RAD51B: variants seen among roughly 807,000 people sequenced by gnomAD.
The protein encoded by RAD51B is DNA repair protein RAD51 homolog 2.
Under a neutral mutation model 42.2 loss-of-function variants are expected in RAD51B, and 38 were observed. The observed-to-expected ratio is 0.90, with a 90% CI of 0.70 to 1.18. RAD51B has a LOEUF of 1.18. Ranked by LOEUF, RAD51B falls within the 50% of genes most tolerant of loss-of-function variation. The pLI is 0.00. For missense variants in RAD51B, 373 were observed against 400.7 expected (o/e 0.93, Z 0.59); for synonymous variants, 154 against 145.2 (o/e 1.06, Z -0.43).
intron 10 of RAD51B, among the ~76,000 whole-genome samples, chr14:68,495,797 A>C (rs1382544889): frequency 6.6e-6 from 1 of 152,190 alleles, no homozygotes; most frequent in African/African-American, 2.4e-5. Context: ...TCTTAACCAC[A>C]GTGAAAAACC....
intron 7 of RAD51B, among the ~76,000 whole-genome samples, chr14:68,179,648 T>C (rs2140879663): frequency 6.6e-6 from 1 of 152,288 alleles, no homozygotes; most frequent in South Asian, 2.1e-4. Flanking sequence ...ATTGATAATA[T>C]TTATATGTCA....
intron 7 of RAD51B, among the ~76,000 whole-genome samples, chr14:67,979,949 A>G (rs2075061129): frequency 6.6e-6 from 1 of 152,206 alleles, no homozygotes; most frequent in African/African-American, 2.4e-5. Context: ...CACAATGCTT[A>G]ATATATAGTA....
intron 9 of RAD51B, among the ~76,000 whole-genome samples, chr14:68,445,718 A>T (rs1389769832): frequency 2.0e-5 from 3 of 152,166 alleles, no homozygotes; most frequent in African/African-American, 7.2e-5. Context: ...CCCACCTCAA[A>T]CTGTAACTGG....
intron 7 of RAD51B, among the ~76,000 whole-genome samples, chr14:68,150,832 T>A (rs2078362683): frequency 6.6e-6 from 1 of 152,192 alleles, no homozygotes; most frequent in Non-Finnish European, 1.5e-5. Context: ...CCACTTTACA[T>A]ACAGTATAAG....
At chr14:68,334,437 T>C (rs765472181) in intron 8 of RAD51B, among the ~76,000 whole-genome samples, 1 of 152,198 alleles carries the variant, frequency 6.6e-6, no homozygotes, top group Non-Finnish European at 1.5e-5. Flanking sequence ...CGTCTACACA[T>C]TGAGTAGGCT....
At chr14:67,836,549 A>C (rs1429374891) in intron 4 of RAD51B, among the ~76,000 whole-genome samples, 1 of 150,766 alleles carries the variant, frequency 6.6e-6, no homozygotes, top group Non-Finnish European at 1.5e-5. Flanking sequence ...GCAGTGGCAC[A>C]ATCTTGGCTT....
rs190184216 is a variant in RAD51B at position 68,237,950 on chromosome 14, G to T, written c.757-53934G>T. 2.9e-3 allele frequency among the ~76,000 whole-genome samples: 443 copies of T among 152,066 alleles called. 2 individuals are homozygous for T. Among genetic ancestry groups the T allele is most frequent in the African/African-American group, 0.01 (423 of 41,486 alleles). On this transcript the variant is annotated intron_variant, in intron 7 of 10. Transcript: ENST00000471583. ...GTGTTTCACCGTGTTGGCCAAGATG[G>T]TCTCGATCTCCTGACTTTGTGAGCC... is the stretch of plus-strand genomic sequence containing the variant.
At chr14:68,533,635 G>A (rs1043321950) in intron 10 of RAD51B, among the ~76,000 whole-genome samples, 2 of 152,080 alleles carry the variant, frequency 1.3e-5, no homozygotes, top group African/African-American at 4.8e-5. Context: ...CATAAACTGA[G>A]ATCATCAGTT....
chr14:68,258,384 G>A (rs989021541), intron 7 of RAD51B, among the ~76,000 whole-genome samples: 1 of 151,482 alleles, frequency 6.6e-6, no homozygotes, highest in African/African-American at 2.4e-5. Context: ...CAGCCTGGGA[G>A]ACCCTGTCTC....
chr14:68,101,587 G>A (rs984598149), intron 7 of RAD51B, among the ~76,000 whole-genome samples: 7 of 152,216 alleles, frequency 4.6e-5, no homozygotes, highest in Non-Finnish European at 1.0e-4. Flanking sequence ...TTGACTCCGT[G>A]TCTCATGTCT....
intron 4 of RAD51B, among the ~76,000 whole-genome samples, chr14:67,846,194 C>T (rs2041606959): frequency 6.6e-6 from 1 of 152,094 alleles, no homozygotes; most frequent in Admixed American, 6.5e-5. Flanking sequence ...CGCTGCCAGC[C>T]TCTGTGTGCA....
intron 7 of RAD51B, among the ~76,000 whole-genome samples, chr14:68,265,812 C>T (rs1421485119): frequency 1.3e-5 from 2 of 152,032 alleles, no homozygotes; most frequent in African/African-American, 2.4e-5. Flanking sequence ...ATGATAAATG[C>T]TATTCTGTTG....
chr14:68,237,645 A>AC (rs1555378261), intron 7 of RAD51B, among the ~76,000 whole-genome samples: 1 of 149,310 alleles, frequency 6.7e-6, no homozygotes, highest in African/African-American at 2.5e-5. Flanking sequence ...TGGATTTGAG[A>AC]TTTTTTTCTG....
intron 10 of RAD51B, among the ~76,000 whole-genome samples, chr14:68,632,558 G>T (rs1216897655): frequency 6.6e-6 from 1 of 152,176 alleles, no homozygotes; most frequent in Non-Finnish European, 1.5e-5. Context: ...GCCTTATGGG[G>T]CCTGGTTGGC....
rs145643617 is a variant in RAD51B at position 68,559,688 on chromosome 14, T to C, written c.1037-34797T>C. 4.2e-3 allele frequency among the ~76,000 whole-genome samples: 634 copies of C among 152,280 alleles called. 4 individuals are homozygous for C. Among genetic ancestry groups the C allele is most frequent in the African/African-American group, 0.014 (595 of 41,554 alleles). ...GTCACTGCGCCCCCAGGAGCAATTC[T>C]GAGTAATGCCCTGATTTCATTAATC... On this transcript the variant is annotated intron_variant, in intron 10 of 10. Transcript: ENST00000487270.
intron 7 of RAD51B, among the ~76,000 whole-genome samples, chr14:68,245,355 A>G (rs1361377560): frequency 6.6e-6 from 1 of 152,242 alleles, no homozygotes; most frequent in East Asian, 1.9e-4. Flanking sequence ...TTAGTAACAC[A>G]TGGAAGTGGT....
intron 7 of RAD51B, among the ~76,000 whole-genome samples, chr14:68,116,480 A>C (rs2077550786): frequency 6.6e-6 from 1 of 152,136 alleles, no homozygotes; most frequent in African/African-American, 2.4e-5. Context: ...AAGCTAAATT[A>C]CTCAAATCTT....
intron 7 of RAD51B, among the ~76,000 whole-genome samples, chr14:67,935,371 A>G (rs142865927): frequency 1.4e-4 from 22 of 152,290 alleles, no homozygotes; most frequent in African/African-American, 5.3e-4. Context: ...ACTCTTAAAA[A>G]AGTTTTTTTT....
intron 7 of RAD51B, among the ~76,000 whole-genome samples, chr14:68,067,557 T>C (rs1257957736): frequency 6.6e-6 from 1 of 151,560 alleles, no homozygotes; most frequent in East Asian, 1.9e-4. Context: ...ACACTGATAC[T>C]AGAGAATTTT....
Sources: gnomAD v4.1 joint callset for allele counts (sites outside exome capture counted in the v4.1 genomes callset) on GRCh38, gnomAD v4.1.1 for gene constraint, MANE v1.5 for transcripts, NCBI Gene and HGNC (gene_info 2026-07-23, HGNC 2026-07-21) for gene names.